Variants in MSRA observed in about 807,000 individuals in gnomAD.
The protein encoded by MSRA is methionine sulfoxide reductase A, also known as mitochondrial peptide methionine sulfoxide reductase.
A neutral mutation model predicts 31.3 loss-of-function variants in MSRA; 54 were observed. The ratio of observed to expected loss-of-function variants is 1.73; its 90% confidence interval spans 1.39 to 2.17. The LOEUF (loss-of-function observed/expected upper bound fraction) is 2.17. MSRA is among the 30% of genes most tolerant of loss of function. The pLI is 0.00. For synonymous variants in MSRA, 169 were observed against 116.5 expected (o/e 1.45, Z -2.90); for missense variants, 507 against 300.9 (o/e 1.69, Z -5.07).
intron 5 of MSRA, among the ~76,000 whole-genome samples, chr8:10,378,474 G>A (rs1408800923): frequency 2.0e-5 from 3 of 152,216 alleles, no homozygotes; most frequent in Non-Finnish European, 2.9e-5. Flanking sequence ...TTTCCTATCA[G>A]GGTGGCATCT....
intron 5 of MSRA, among the ~76,000 whole-genome samples, chr8:10,323,555 G>A (rs1302865526): frequency 6.6e-6 from 1 of 152,166 alleles, no homozygotes; most frequent in African/African-American, 2.4e-5. Flanking sequence ...GTTTTGAGGG[G>A]AACCCACGTT....
chr8:10,348,738 A>C (rs1436195312), intron 5 of MSRA, among the ~76,000 whole-genome samples: 2 of 152,164 alleles, frequency 1.3e-5, no homozygotes, highest in East Asian at 3.9e-4. Flanking sequence ...CTTACTCATT[A>C]AAACTCGGCA....
chr8:10,073,200 G>A (rs1211676352), intron 1 of MSRA, among the ~76,000 whole-genome samples: 2 of 152,110 alleles, frequency 1.3e-5, no homozygotes, highest in East Asian at 3.9e-4. Context: ...TATCTTAGGG[G>A]AAAAGCATTC....
intron 1 of MSRA, among the ~76,000 whole-genome samples, chr8:10,067,614 G>A (rs181698781): frequency 6.6e-6 from 1 of 152,174 alleles, no homozygotes. Context: ...ATTGTCTTCT[G>A]TACCATTTTG....
intron 1 of MSRA, among the ~76,000 whole-genome samples, chr8:10,066,286 C>T (rs574983592): frequency 2.6e-5 from 4 of 152,226 alleles, no homozygotes; most frequent in South Asian, 2.1e-4. Context: ...TCTGCCCGGC[C>T]AACTTTGTAT....
At chr8:10,187,023 G>A (rs952843938) in intron 1 of MSRA, among the ~76,000 whole-genome samples, 1 of 152,106 alleles carries the variant, frequency 6.6e-6, no homozygotes, top group African/African-American at 2.4e-5. Flanking sequence ...TTCATGAAGT[G>A]TTTCTTTCAA....
chr8:10,200,011 G>T (rs573878318), intron 1 of MSRA, among the ~76,000 whole-genome samples: 46 of 152,214 alleles, frequency 3.0e-4, no homozygotes, highest in Non-Finnish European at 5.4e-4. Flanking sequence ...AGCCTGGCCT[G>T]TTCTGCCCAT....
At chr8:10,225,414 GGTCTTGGATTACTTGGGGCCTA>G (rs1372864430) in intron 2 of MSRA, among the ~76,000 whole-genome samples, 1 of 152,134 alleles carries the variant, frequency 6.6e-6, no homozygotes, top group East Asian at 1.9e-4. Context: ...GATAGGGCCT[GGTCTTGGATTACTTGGGGCCTA>G]GTCTCAAATA....
At chr8:10,166,750 C>T (rs897240775) in intron 1 of MSRA, among the ~76,000 whole-genome samples, 5 of 152,256 alleles carry the variant, frequency 3.3e-5, no homozygotes, top group African/African-American at 1.2e-4. Context: ...TAGCTGGGCC[C>T]TTGCTTGTTG....
At chr8:10,208,223 T>TC (rs199957399) in intron 2 of MSRA, among the ~76,000 whole-genome samples, 1 of 151,900 alleles carries the variant, frequency 6.6e-6, no homozygotes, top group African/African-American at 2.4e-5. Flanking sequence ...TTTTTTTTTT[T>TC]CCACATAGAT....
At chr8:10,205,771 T>C (rs1808910145) in intron 1 of MSRA, among the ~76,000 whole-genome samples, 1 of 152,268 alleles carries the variant, frequency 6.6e-6, no homozygotes. Context: ...TCTTTTCACA[T>C]AAATATTCAT....
intron 5 of MSRA, among the ~76,000 whole-genome samples, chr8:10,414,972 G>T (rs527242253): frequency 2.6e-5 from 4 of 152,142 alleles, no homozygotes; most frequent in Admixed American, 2.6e-4. Flanking sequence ...ACTCGTAGAG[G>T]AAAAGTCACT....
intron 1 of MSRA, among the ~76,000 whole-genome samples, chr8:10,081,357 G>C (rs769757934): frequency 6.6e-6 from 1 of 152,202 alleles, no homozygotes; most frequent in East Asian, 1.9e-4. Context: ...CCATGGGAAC[G>C]TGAAGCTATC....
chr8:10,235,965 T>G (rs779086222), intron 2 of MSRA, among the ~76,000 whole-genome samples: 5 of 152,174 alleles, frequency 3.3e-5, no homozygotes, highest in Non-Finnish European at 7.4e-5. Context: ...TAAGATTTAC[T>G]GAAAGATGAT....
At chr8:10,253,711 A>T (rs1798032110) in intron 3 of MSRA, among the ~76,000 whole-genome samples, 1 of 151,520 alleles carries the variant, frequency 6.6e-6, no homozygotes. Context: ...ATCACATCTA[A>T]TGGAGCCATA....
intron 1 of MSRA, among the ~76,000 whole-genome samples, chr8:10,201,245 C>T (rs899946378): frequency 3.9e-5 from 6 of 152,038 alleles, no homozygotes; most frequent in African/African-American, 1.2e-4. Context: ...CTTGATACGT[C>T]AGTCCAGATC....
At chr8:10,389,127 G>C (rs1359569752) in intron 5 of MSRA, among the ~76,000 whole-genome samples, 1 of 152,126 alleles carries the variant, frequency 6.6e-6, no homozygotes, top group Non-Finnish European at 1.5e-5. Flanking sequence ...GCATGAATGG[G>C]TTAAAACACT....
intron 5 of MSRA, among the ~76,000 whole-genome samples, chr8:10,373,914 C>T (rs1805614855): frequency 6.6e-6 from 1 of 152,126 alleles, no homozygotes; most frequent in Admixed American, 6.5e-5. Context: ...GCTGTGGGGT[C>T]AATATCATGG....
intron 1 of MSRA, among the ~76,000 whole-genome samples, chr8:10,197,040 C>T (rs1012275471): frequency 1.3e-5 from 2 of 152,190 alleles, no homozygotes; most frequent in Admixed American, 6.5e-5. Flanking sequence ...TGTTTCAGTA[C>T]ACCTACTTTC....
Sources: gnomAD v4.1 joint callset for allele counts (sites outside exome capture counted in the v4.1 genomes callset) on GRCh38, gnomAD v4.1.1 for gene constraint, MANE v1.5 for transcripts, NCBI Gene and HGNC (gene_info 2026-07-23, HGNC 2026-07-21) for gene names.